Variants in STARD6 observed in about 807,000 individuals in gnomAD.
The protein encoded by STARD6 is StAR related lipid transfer domain containing 6, also known as stAR-related lipid transfer protein 6.
STARD6 carries 21 observed loss-of-function variants against 22.3 expected under a neutral mutation model. That is an observed-to-expected ratio of 0.94 (90% CI 0.67 to 1.35). The LOEUF is 1.35. STARD6 is among the 40% of genes most tolerant of loss of function. STARD6 has a pLI of 0.00. For missense variants in STARD6, 269 were observed against 266.9 expected (o/e 1.01, Z -0.05); for synonymous variants, 80 against 88.1 (o/e 0.91, Z 0.52).
chr18:54,351,780 C>A (rs917845869), intron 4 of STARD6, among the ~76,000 whole-genome samples: 2 of 151,910 alleles, frequency 1.3e-5, no homozygotes, highest in Non-Finnish European at 2.9e-5. Flanking sequence ...ATCCCCACAT[C>A]CTGGGTATGA....
chr18:54,349,134 C>G (rs1038063406), intron 4 of STARD6, among the ~76,000 whole-genome samples: 1 of 151,894 alleles, frequency 6.6e-6, no homozygotes, highest in African/African-American at 2.4e-5. Context: ...CGTAAGAAAA[C>G]AAAGAAGATA....
At chr18:54,334,317 CT>C (rs1304914366) in intron 5 of STARD6, among the ~76,000 whole-genome samples, 7 of 152,116 alleles carry the variant, frequency 4.6e-5, no homozygotes, top group African/African-American at 1.4e-4. Context: ...TTGCTGATTT[CT>C]TTCTTACCTC....
intron 4 of STARD6, 66 bp from the exon 5 acceptor site, chr18:54,337,317 C>T: frequency 6.8e-7 from 1 of 1,469,758 alleles, no homozygotes; most frequent in Middle Eastern, 2.2e-4. Context: ...AAATATAATA[C>T]TATCAAAGCA....
intron 4 of STARD6, among the ~76,000 whole-genome samples, chr18:54,352,670 A>C (rs1476077624): frequency 6.6e-6 from 1 of 152,214 alleles, no homozygotes; most frequent in Non-Finnish European, 1.5e-5. Context: ...ATTTCACTCA[A>C]ACTGTGAGTG....
chr18:54,337,695 G>T (rs935584699), intron 4 of STARD6, among the ~76,000 whole-genome samples: 1 of 152,170 alleles, frequency 6.6e-6, no homozygotes, highest in Non-Finnish European at 1.5e-5. Flanking sequence ...GAGTTGCAAA[G>T]CCTAAAGTAT....
intron 4 of STARD6, among the ~76,000 whole-genome samples, chr18:54,347,298 A>C (rs2089045968): frequency 1.3e-5 from 2 of 152,066 alleles, no homozygotes; most frequent in Admixed American, 1.3e-4. Context: ...TTTAGCAATT[A>C]TTTTGTTATC....
chr18:54,348,192 A>G (rs2089056472), intron 4 of STARD6, among the ~76,000 whole-genome samples: 1 of 152,116 alleles, frequency 6.6e-6, no homozygotes, highest in South Asian at 2.1e-4. Context: ...CGTGAAAATG[A>G]ACTAATACAA....
In STARD6 at chr18:54,329,378, G is replaced by C. The variant is rs763772182; in HGVS notation, c.448C>G (p.Pro150Ala). The stretch of plus-strand genomic sequence containing the variant: ...ATTGGTGAACATACAAAGCCACAAG[G>C]ATGGTTATAACCGCGGATATAATTT... Reference protein sequence around the residue: ...SSNYIRGYNHPCGFVCSPMEE... With the variant: ...SSNYIRGYNHACGFVCSPMEE... The change falls in exon 7 of 8, where the codon CCT becomes GCT. Residue 150 changes from proline (P) to alanine (A), a missense_variant. Physicochemically the swap from Pro to Ala is conservative, Grantham distance 27. Coordinates refer to ENST00000307844, the MANE Select transcript of STARD6 (RefSeq NM_139171.2). The C allele has an allele frequency of 6.9e-6, 11 of 1,603,958 alleles. No homozygotes were observed. Among genetic ancestry groups the C allele is most frequent in the Admixed American group, 1.7e-5 (1 of 58,306 alleles).
At position 54,331,263 on chromosome 18, in the gene STARD6, A is replaced by G. The variant is rs527864337; in HGVS notation, c.385+479T>C. On this transcript the variant is annotated intron_variant, in intron 6 of 7. Transcript: ENST00000307844. ...TGATTACACATTTGCATTTTACAGA[A>G]TGACATATTTGGGAGTGGGGATAGG... Among the ~76,000 whole-genome samples the G allele has an allele frequency of 1.3e-4, 20 of 152,302 alleles. No homozygotes were observed. In the South Asian group the frequency reaches 3.9e-3, roughly 30 times the overall value.
chr18:54,331,531 A>C (rs1657886), intron 6 of STARD6, among the ~76,000 whole-genome samples: 10,041 of 152,256 alleles, frequency 0.066, 383 homozygotes, highest in African/African-American at 0.087. Context: ...GCAAAAGTCT[A>C]AGAGATGTTG....
chr18:54,346,473 G>T (rs577086920), intron 4 of STARD6, among the ~76,000 whole-genome samples: 2 of 151,988 alleles, frequency 1.3e-5, no homozygotes, highest in African/African-American at 4.8e-5. Context: ...ATATAAAACG[G>T]TGCGGCCAGT....
At position 54,329,306 on chromosome 18, in the gene STARD6, A is replaced by G. The variant is rs773343138; in HGVS notation, c.479+41T>C. On this transcript the variant is annotated intron_variant, in intron 7 of 7. Coordinates refer to ENST00000307844, the MANE Select transcript of STARD6 (RefSeq NM_139171.2). ...CTTAAACTAAATCACAAGTTGAACT[A>G]AAAAAACCTGTTAAAATAAATAAGT... 13 of 1,470,964 alleles carry G rather than the reference A, an allele frequency of 8.8e-6. No individual in the cohort carries two copies. In the Admixed American group the frequency reaches 3.0e-4, roughly 34 times the overall value. The allele number at this position is 1,470,964 out of a possible 1,614,324, so 91.1% of individuals were successfully genotyped here. A position where few individuals can be genotyped will look rare whatever the true frequency, so the allele number is the denominator to read the frequency against.
At chr18:54,350,430 G>C (rs995982960) in intron 4 of STARD6, among the ~76,000 whole-genome samples, 2 of 152,112 alleles carry the variant, frequency 1.3e-5, no homozygotes, top group Non-Finnish European at 2.9e-5. Context: ...CATTCTGTGG[G>C]TTACCTGTTT....
intron 4 of STARD6, among the ~76,000 whole-genome samples, chr18:54,346,163 T>C (rs2089032021): frequency 6.6e-6 from 1 of 152,144 alleles, no homozygotes; most frequent in Non-Finnish European, 1.5e-5. Context: ...TCGCAAATCA[T>C]ATATGTGATA....
At position 54,324,585 on chromosome 18, in the gene STARD6, T is replaced by C; in HGVS notation, c.*107A>G. ...TTCAGCCATGTGTACAAGAATACTG[T>C]CTAGAATAGTTTAACAGTATTATTT... is the stretch of plus-strand genomic sequence containing the variant. On this transcript the variant is annotated 3_prime_UTR_variant, in exon 8 of 8. Coordinates refer to ENST00000307844, the MANE Select transcript of STARD6 (RefSeq NM_139171.2). 1 of 1,090,118 alleles carries C rather than the reference T, an allele frequency of 9.2e-7. No homozygotes were observed. The highest frequency in any genetic ancestry group is 1.3e-6 in the Non-Finnish European group (1 of 754,888). 67.5% of individuals were successfully genotyped at this position (1,090,118 alleles called of 1,614,324 possible).
chr18:54,341,818 A>C (rs2088971793), intron 4 of STARD6, among the ~76,000 whole-genome samples: 1 of 152,188 alleles, frequency 6.6e-6, no homozygotes, highest in African/African-American at 2.4e-5. Flanking sequence ...TTTTTAAAAA[A>C]AGAAGTTCTG....
chr18:54,356,669 C>G (rs1471059482), intron 1 of STARD6, among the ~76,000 whole-genome samples: 1 of 152,084 alleles, frequency 6.6e-6, no homozygotes, highest in Non-Finnish European at 1.5e-5. Context: ...TAAAGGAACT[C>G]AGTTTAAAAA....
intron 4 of STARD6, among the ~76,000 whole-genome samples, chr18:54,339,255 A>C (rs1260635753): frequency 2.6e-5 from 4 of 151,666 alleles, no homozygotes; most frequent in African/African-American, 9.7e-5. Context: ...TGGATAAGAG[A>C]GTGAGACCCG....
At chr18:54,332,332 A>G (rs367881924) in intron 5 of STARD6, among the ~76,000 whole-genome samples, 1 of 152,222 alleles carries the variant, frequency 6.6e-6, no homozygotes, top group East Asian at 1.9e-4. Flanking sequence ...AGGGTCTTGA[A>G]TGGCCTAACT....
Sources: allele counts gnomAD v4.1 joint callset (sites outside exome capture counted in the v4.1 genomes callset), GRCh38; gene constraint gnomAD v4.1.1; transcripts MANE v1.5; gene names NCBI Gene and HGNC (gene_info 2026-07-23, HGNC 2026-07-21).